The following HCN1 variants were observed in gnomAD, a reference collection of about 807,000 sequenced individuals.
HCN1 encodes potassium/sodium hyperpolarization-activated cyclic nucleotide-gated channel 1.
In HCN1, 13 loss-of-function variants were observed where a neutral mutation model predicts 78.9. The ratio of observed to expected loss-of-function variants is 0.16; its 90% CI spans 0.11 to 0.26. HCN1 has a LOEUF of 0.26. Ranked by LOEUF, HCN1 falls within the 10% of genes least tolerant of loss-of-function variation. The pLI is 1.00. For missense variants in HCN1, 810 were observed against 1,154.3 expected (o/e 0.70, Z 4.32); for synonymous variants, 552 against 455.5 (o/e 1.21, Z -2.70).
chr5:45,645,045 G>A (rs1469906872), intron 2 of HCN1, 140 bp downstream of exon 2: 6 of 631,192 alleles, frequency 9.5e-6, no homozygotes, highest in African/African-American at 1.8e-5. Flanking sequence ...TATCACTTAT[G>A]CATGGAAAAG....
At chr5:45,425,547 G>A (rs1281448811) in intron 3 of HCN1, among the ~76,000 whole-genome samples, 1 of 152,180 alleles carries the variant, frequency 6.6e-6, no homozygotes, top group Non-Finnish European at 1.5e-5. Context: ...GATCGAAAGA[G>A]AGGGCAGGAG....
At chr5:45,367,368 T>C (rs1419080500) in intron 4 of HCN1, among the ~76,000 whole-genome samples, 2 of 151,914 alleles carry the variant, frequency 1.3e-5, no homozygotes, top group African/African-American at 4.8e-5. Context: ...TTTGTACACA[T>C]ACATGTCAAC....
intron 4 of HCN1, among the ~76,000 whole-genome samples, chr5:45,371,518 G>A (rs1747357717): frequency 6.6e-6 from 1 of 151,680 alleles, no homozygotes; most frequent in African/African-American, 2.4e-5. Context: ...CAGCACTTTG[G>A]GAAGCCGAGG....
At chr5:45,583,145 C>A (rs1005854542) in intron 2 of HCN1, among the ~76,000 whole-genome samples, 1 of 152,020 alleles carries the variant, frequency 6.6e-6, no homozygotes, top group Non-Finnish European at 1.5e-5. Flanking sequence ...GCTGTGAATC[C>A]ATCTGGTCCT....
At chr5:45,336,149 A>G (rs923367992) in intron 5 of HCN1, among the ~76,000 whole-genome samples, 65 of 152,008 alleles carry the variant, frequency 4.3e-4, no homozygotes, top group African/African-American at 1.5e-3. Context: ...CTCCAGGGAA[A>G]GCCAGGTCAG....
At chr5:45,370,760 G>T (rs1423790020) in intron 4 of HCN1, among the ~76,000 whole-genome samples, 1 of 151,910 alleles carries the variant, frequency 6.6e-6, no homozygotes, top group African/African-American at 2.4e-5. Context: ...TCCCCTGATT[G>T]TAGAATGGTA....
chr5:45,519,330 T>A (rs1015604366), intron 2 of HCN1, among the ~76,000 whole-genome samples: 2 of 152,052 alleles, frequency 1.3e-5, no homozygotes, highest in East Asian at 3.9e-4. Flanking sequence ...CTGTGTTTAT[T>A]GTTTACATTG....
chr5:45,646,125 GT>G, intron 1 of HCN1, among the ~76,000 whole-genome samples: 1 of 152,004 alleles, frequency 6.6e-6, no homozygotes, highest in East Asian at 1.9e-4. Context: ...ATACAGATTA[GT>G]TTTGCCATGG....
chr5:45,294,373 A>G (rs1357018901), intron 6 of HCN1, among the ~76,000 whole-genome samples: 2 of 152,026 alleles, frequency 1.3e-5, no homozygotes, highest in South Asian at 2.1e-4. Flanking sequence ...CGAAATGTCC[A>G]TTATTAAAGC....
At chr5:45,327,071 C>T (rs1746250431) in intron 5 of HCN1, among the ~76,000 whole-genome samples, 1 of 151,588 alleles carries the variant, frequency 6.6e-6, no homozygotes, top group Admixed American at 6.6e-5. Context: ...CTCTGCTTTA[C>T]TATGTGGTAT....
intron 1 of HCN1, among the ~76,000 whole-genome samples, chr5:45,652,979 C>T (rs1580020966): frequency 6.6e-6 from 1 of 152,094 alleles, no homozygotes; most frequent in East Asian, 1.9e-4. Flanking sequence ...TCTACCTGCC[C>T]TAGTAAATTG....
intron 2 of HCN1, among the ~76,000 whole-genome samples, chr5:45,573,811 T>C (rs1356951862): frequency 6.6e-6 from 1 of 152,066 alleles, no homozygotes; most frequent in African/African-American, 2.4e-5. Flanking sequence ...GAGAGGTTTC[T>C]GAAAAAAAGT....
At chr5:45,476,612 C>G (rs1741522040) in intron 2 of HCN1, among the ~76,000 whole-genome samples, 1 of 152,098 alleles carries the variant, frequency 6.6e-6, no homozygotes, top group Non-Finnish European at 1.5e-5. Flanking sequence ...ATTGGAAATC[C>G]CTTCCTTATA....
At chr5:45,655,309 C>T (rs1745744634) in intron 1 of HCN1, among the ~76,000 whole-genome samples, 1 of 151,972 alleles carries the variant, frequency 6.6e-6, no homozygotes, top group Non-Finnish European at 1.5e-5. Flanking sequence ...TTGTTTGATA[C>T]TCAAACAACC....
intron 2 of HCN1, among the ~76,000 whole-genome samples, chr5:45,636,321 G>T (rs1745356151): frequency 6.6e-6 from 1 of 152,096 alleles, no homozygotes; most frequent in Non-Finnish European, 1.5e-5. Flanking sequence ...CACAAATTTT[G>T]TCTCCAACTT....
In HCN1 at chr5:45,396,609, G is replaced by A. The variant is rs761981654; in HGVS notation, c.1113C>T (p.Asp371=). The A allele has an allele frequency of 2.5e-5, 41 of 1,613,810 alleles. No individual in the cohort carries two copies. The highest frequency in any genetic ancestry group is 3.4e-5 in the Non-Finnish European group (40 of 1,179,916). Residue 371 remains aspartate (D), a synonymous_variant, in exon 4 of 8, where the codon GAC becomes GAT. Coordinates refer to ENST00000303230, the MANE Select transcript of HCN1 (RefSeq NM_021072.4). The part of the protein sequence containing the change: ...YGAQAPVSMS[D]LWITMLSMIV... ...TCATGCTCAGCATGGTAATCCAGAG[G>A]TCAGACATGCTGACTGGGGCTTGGG... is the stretch of plus-strand genomic sequence containing the variant.
intron 2 of HCN1, among the ~76,000 whole-genome samples, chr5:45,582,709 T>C (rs560498666): frequency 1.7e-3 from 260 of 152,304 alleles, no homozygotes; most frequent in African/African-American, 5.6e-3. Flanking sequence ...ATACCTAATT[T>C]ATTGAGAGTT....
intron 1 of HCN1, among the ~76,000 whole-genome samples, chr5:45,646,812 T>C (rs539068765): frequency 1.3e-5 from 2 of 152,292 alleles, no homozygotes; most frequent in East Asian, 3.9e-4. Flanking sequence ...TAAACACAAC[T>C]GTATAATCAT....
chr5:45,663,683 T>C (rs1299946730), intron 1 of HCN1, among the ~76,000 whole-genome samples: 2 of 151,896 alleles, frequency 1.3e-5, no homozygotes, highest in African/African-American at 2.4e-5. Flanking sequence ...AAGACATTTA[T>C]GCAGCCAAAA....
Sources: gnomAD v4.1 joint callset for allele counts (sites outside exome capture counted in the v4.1 genomes callset) on GRCh38, gnomAD v4.1.1 for gene constraint, MANE v1.5 for transcripts, NCBI Gene and HGNC (gene_info 2026-07-23, HGNC 2026-07-21) for gene names.